Variants in CTNNA3 observed in about 807,000 individuals in gnomAD.
CTNNA3 encodes catenin alpha-3.
CTNNA3 carries 76 observed loss-of-function variants against 95.7 expected under a neutral mutation model. The ratio of observed to expected loss-of-function variants is 0.79; its 90% CI spans 0.66 to 0.96. CTNNA3 has a LOEUF of 0.96. CTNNA3 is among the 40% of genes least tolerant of loss of function. The pLI, the probability that CTNNA3 is intolerant of heterozygous loss-of-function variation, is 0.00. For synonymous variants in CTNNA3, 431 were observed against 374.4 expected, an observed-to-expected ratio of 1.15 and a Z score of -1.74; for missense variants, 1,191 against 1,089.8, an observed-to-expected ratio of 1.09 and a Z score of -1.31.
chr10:66,066,064 T>C (rs2080306535), intron 15 of CTNNA3, among the ~76,000 whole-genome samples: 1 of 152,080 alleles, frequency 6.6e-6, no homozygotes, highest in Non-Finnish European at 1.5e-5. Flanking sequence ...GGTTTCTCTA[T>C]GTTGGTCAGG....
At chr10:66,029,860 T>C (rs2079415778) in intron 15 of CTNNA3, among the ~76,000 whole-genome samples, 2 of 152,154 alleles carry the variant, frequency 1.3e-5, no homozygotes. Flanking sequence ...AACTTTGAAG[T>C]ACTGGAATTA....
chr10:66,717,561 T>A (rs1340860665), intron 9 of CTNNA3, among the ~76,000 whole-genome samples: 3 of 152,014 alleles, frequency 2.0e-5, no homozygotes, highest in Non-Finnish European at 4.4e-5. Context: ...AATTAACACA[T>A]TACCTGGATA....
chr10:66,394,936 G>A (rs1445494130), intron 11 of CTNNA3, among the ~76,000 whole-genome samples: 1 of 151,982 alleles, frequency 6.6e-6, no homozygotes, highest in Admixed American at 6.6e-5. Flanking sequence ...CAAATGCACA[G>A]ATAGAATGCA....
At chr10:67,054,415 T>C (rs937113487) in intron 7 of CTNNA3, among the ~76,000 whole-genome samples, 1 of 152,150 alleles carries the variant, frequency 6.6e-6, no homozygotes, top group Non-Finnish European at 1.5e-5. Flanking sequence ...GATCACACCA[T>C]TGATCCACCA....
intron 4 of CTNNA3, among the ~76,000 whole-genome samples, chr10:67,528,636 G>A (rs1446031534): frequency 1.3e-5 from 2 of 152,010 alleles, no homozygotes; most frequent in Non-Finnish European, 1.5e-5. Flanking sequence ...ATAACACTTT[G>A]TACCAACCTC....
intron 17 of CTNNA3, among the ~76,000 whole-genome samples, chr10:65,920,818 C>T (rs370023932): frequency 6.6e-6 from 1 of 151,436 alleles, no homozygotes; most frequent in South Asian, 2.1e-4. Flanking sequence ...AGTGAAACCC[C>T]ATATAAAAAA....
intron 13 of CTNNA3, among the ~76,000 whole-genome samples, chr10:66,182,041 T>A (rs1384150571): frequency 1.3e-5 from 2 of 152,158 alleles, no homozygotes; most frequent in Non-Finnish European, 2.9e-5. Flanking sequence ...CACAAACCAA[T>A]AATCTGTATT....
chr10:66,513,712 G>T (rs1831178217), intron 11 of CTNNA3, among the ~76,000 whole-genome samples: 1 of 152,192 alleles, frequency 6.6e-6, no homozygotes, highest in South Asian at 2.1e-4. Flanking sequence ...CCTGGGCATT[G>T]TGTGCAGGCA....
At chr10:67,534,859 T>C (rs1840442918) in intron 4 of CTNNA3, among the ~76,000 whole-genome samples, 1 of 152,168 alleles carries the variant, frequency 6.6e-6, no homozygotes, top group Non-Finnish European at 1.5e-5. Flanking sequence ...GAGAACATTA[T>C]ACTTGATAGG....
chr10:66,777,259 C>G (rs898192567), intron 7 of CTNNA3, among the ~76,000 whole-genome samples: 1 of 152,140 alleles, frequency 6.6e-6, no homozygotes, highest in African/African-American at 2.4e-5. Flanking sequence ...ACTGTGACAG[C>G]CAAAAATTGG....
chr10:66,566,032 C>A (rs1190820154), intron 10 of CTNNA3, among the ~76,000 whole-genome samples: 1 of 152,154 alleles, frequency 6.6e-6, no homozygotes, highest in Non-Finnish European at 1.5e-5. Context: ...GATTCATAGA[C>A]ATTGTTCTGT....
intron 7 of CTNNA3, among the ~76,000 whole-genome samples, chr10:67,010,668 G>A (rs1852264435): frequency 6.6e-6 from 1 of 152,104 alleles, no homozygotes; most frequent in Admixed American, 6.6e-5. Flanking sequence ...TAGCTGCTAG[G>A]AATTTTCCAA....
intron 15 of CTNNA3, among the ~76,000 whole-genome samples, chr10:66,049,337 T>C (rs2079901107): frequency 6.6e-6 from 1 of 152,130 alleles, no homozygotes; most frequent in South Asian, 2.1e-4. Context: ...ACACAGTTAG[T>C]GGGAGTGTAA....
intron 7 of CTNNA3, among the ~76,000 whole-genome samples, chr10:66,852,706 C>A (rs1843539323): frequency 6.6e-6 from 1 of 152,002 alleles, no homozygotes; most frequent in Non-Finnish European, 1.5e-5. Flanking sequence ...TTGATCATTT[C>A]AATTTACCAA....
chr10:66,486,232 G>T (rs1244275423), intron 11 of CTNNA3, among the ~76,000 whole-genome samples: 1 of 152,146 alleles, frequency 6.6e-6, no homozygotes, highest in African/African-American at 2.4e-5. Context: ...AAAATCATTT[G>T]TACAGCAAGG....
chr10:66,432,500 T>C (rs960077673), intron 11 of CTNNA3, among the ~76,000 whole-genome samples: 33 of 151,778 alleles, frequency 2.2e-4, no homozygotes, highest in Non-Finnish European at 4.4e-5. Flanking sequence ...CTACTAAAAA[T>C]ACAAAAAATT....
intron 5 of CTNNA3, among the ~76,000 whole-genome samples, chr10:67,516,256 C>A (rs1379549563): frequency 6.6e-6 from 1 of 152,168 alleles, no homozygotes; most frequent in Non-Finnish European, 1.5e-5. Context: ...AAGTTAGTCC[C>A]TACCTTATAA....
intron 13 of CTNNA3, among the ~76,000 whole-genome samples, chr10:66,142,277 T>C (rs2083658030): frequency 6.6e-6 from 1 of 152,150 alleles, no homozygotes; most frequent in African/African-American, 2.4e-5. Flanking sequence ...CTTTTCACCA[T>C]TGTTTTGCCT....
At chr10:66,772,540 TG>T (rs1335390211) in intron 8 of CTNNA3, among the ~76,000 whole-genome samples, 4 of 151,918 alleles carry the variant, frequency 2.6e-5, no homozygotes, top group Non-Finnish European at 5.9e-5. Context: ...TTAAGAATAA[TG>T]GGGATTAAGT....
Sources: gnomAD v4.1 joint callset for allele counts (sites outside exome capture counted in the v4.1 genomes callset) on GRCh38, gnomAD v4.1.1 for gene constraint, MANE v1.5 for transcripts, NCBI Gene and HGNC (gene_info 2026-07-23, HGNC 2026-07-21) for gene names.